The following TTC39B variants were observed in gnomAD, a reference collection of about 807,000 sequenced individuals.
The protein encoded by TTC39B is tetratricopeptide repeat domain 39B, also known as tetratricopeptide repeat protein 39B.
TTC39B carries 92 observed loss-of-function variants against 96.6 expected under a neutral mutation model. The ratio of observed to expected loss-of-function variants is 0.95; its 90% CI spans 0.80 to 1.13. The LOEUF (loss-of-function observed/expected upper bound fraction) is 1.13. TTC39B is among the 50% of genes most tolerant of loss of function. TTC39B has a pLI of 0.00. For missense variants in TTC39B, 955 were observed against 809.3 expected, an observed-to-expected ratio of 1.18 and a Z score of -2.18; for synonymous variants, 367 against 299.4, an observed-to-expected ratio of 1.23 and a Z score of -2.33.
chr9:15,203,837 G>C (rs961841579), exon 7 of TTC39B: 2 of 1,613,000 alleles, frequency 1.2e-6, no homozygotes, highest in Middle Eastern at 1.7e-4. Flanking sequence ...ACAAACGTGA[G>C]TGCAGCTTTC....
chr9:15,201,608 G>A (rs905124078), intron 7 of TTC39B, among the ~76,000 whole-genome samples: 1 of 152,196 alleles, frequency 6.6e-6, no homozygotes. Context: ...TAAGGATCAT[G>A]ATGGGTTTGG....
intron 2 of TTC39B, among the ~76,000 whole-genome samples, chr9:15,257,614 T>C (rs1479165915): frequency 6.6e-6 from 1 of 152,010 alleles, no homozygotes; most frequent in African/African-American, 2.4e-5. Flanking sequence ...ACCTGGCTAA[T>C]TTTTTGTATT....
At chr9:15,258,114 C>A (rs1822822077) in intron 2 of TTC39B, among the ~76,000 whole-genome samples, 1 of 151,946 alleles carries the variant, frequency 6.6e-6, no homozygotes, top group Non-Finnish European at 1.5e-5. Flanking sequence ...AAGTGGGGTG[C>A]AGTTGGAAAA....
chr9:15,175,158 A>C, intron 18 of TTC39B, 23 bp from the exon 19 acceptor site: 1 of 1,495,614 alleles, frequency 6.7e-7, no homozygotes, highest in Non-Finnish European at 9.3e-7. Flanking sequence ...AGGAAAATCA[A>C]GTAAATCTTA....
At chr9:15,203,695 A>G in intron 7 of TTC39B, 128 bp downstream of exon 7, 6 of 680,540 alleles carry the variant, frequency 8.8e-6, no homozygotes, top group Non-Finnish European at 1.4e-5. Context: ...TTATCAGAAT[A>G]ACAAATATTT....
intron 9 of TTC39B, 31 bp downstream of exon 9, chr9:15,192,559 A>G (rs1308959188): frequency 6.4e-7 from 1 of 1,556,212 alleles, no homozygotes; most frequent in Non-Finnish European, 8.8e-7. Context: ...CTTCTACAAA[A>G]GTTCTGGTTT....
chr9:15,188,491 T>C (rs918582755), intron 13 of TTC39B, among the ~76,000 whole-genome samples: 1 of 152,332 alleles, frequency 6.6e-6, no homozygotes, highest in East Asian at 1.9e-4. Flanking sequence ...GATGTCACTA[T>C]CTACGTAACT....
exon 20 of TTC39B, chr9:15,168,616 TC>T (rs1183980569): frequency 1.2e-4 from 18 of 152,152 alleles, no homozygotes; most frequent in African/African-American, 4.3e-4. Context: ...ATCGAGACCA[TC>T]CTGGCTAACA....
Position 15,283,916 on chromosome 9 carries a change from G to C in TTC39B, c.241-15968C>G, listed in dbSNP as rs567219568. 4.0e-5 allele frequency among the ~76,000 whole-genome samples: 6 copies of C among 151,886 alleles called. 1 individual carries two copies. Among genetic ancestry groups the C allele is most frequent in the Admixed American group, 3.9e-4 (6 of 15,246 alleles). On this transcript the variant is annotated intron_variant, in intron 1 of 19. Coordinates refer to ENST00000512701, the Ensembl canonical transcript of TTC39B. The stretch of plus-strand genomic sequence containing the variant: ...TTTTTTAAAATAATCTTAAAACAGG[G>C]ACAGTCTTTCTAAGCAAAACACAAA...
intron 4 of TTC39B, among the ~76,000 whole-genome samples, chr9:15,212,380 C>CAAA (rs200310557): frequency 0.075 from 7,901 of 105,408 alleles, 223 homozygotes; most frequent in Non-Finnish European, 0.091. Flanking sequence ...TTTCAAGAAG[C>CAAA]AAAAAAAAAA....
At chr9:15,303,037 A>ACGCAC (rs1824650702) in intron 1 of TTC39B, among the ~76,000 whole-genome samples, 1 of 150,964 alleles carries the variant, frequency 6.6e-6, no homozygotes, top group Non-Finnish European at 1.5e-5. Context: ...ACGTGGTGGC[A>ACGCAC]CGCACATGTA....
At chr9:15,215,774 G>C (rs184540437) in intron 3 of TTC39B, among the ~76,000 whole-genome samples, 1 of 151,932 alleles carries the variant, frequency 6.6e-6, no homozygotes, top group Non-Finnish European at 1.5e-5. Flanking sequence ...TGAGGCAGGA[G>C]AATTGCTTGA....
intron 2 of TTC39B, among the ~76,000 whole-genome samples, chr9:15,244,314 G>C (rs1822176495): frequency 6.6e-6 from 1 of 152,222 alleles, no homozygotes; most frequent in Non-Finnish European, 1.5e-5. Flanking sequence ...GCGTGATTTA[G>C]GAGAAGGCAT....
chr9:15,289,021 A>G (rs1306016908), intron 1 of TTC39B, among the ~76,000 whole-genome samples: 2 of 152,242 alleles, frequency 1.3e-5, no homozygotes, highest in African/African-American at 4.8e-5. Flanking sequence ...ACACGCTTTT[A>G]AAGTATAATT....
chr9:15,177,869 C>CAT, intron 17 of TTC39B, 55 bp from the exon 18 acceptor site: 1 of 466,284 alleles, frequency 2.1e-6, no homozygotes, highest in Non-Finnish European at 3.5e-6. Context: ...TTTTTAAGAT[C>CAT]TTTTTTTTTT....
At chr9:15,190,777 C>A in intron 10 of TTC39B, 115 bp from the exon 11 acceptor site, 2 of 830,382 alleles carry the variant, frequency 2.4e-6, no homozygotes, top group Admixed American at 2.2e-5. Context: ...TCATATATTA[C>A]GCTGTGGTGA....
intron 18 of TTC39B, among the ~76,000 whole-genome samples, chr9:15,175,479 G>A (rs557949194): frequency 1.6e-4 from 25 of 151,946 alleles, no homozygotes; most frequent in Admixed American, 9.2e-4. Flanking sequence ...TTAGAAATAA[G>A]AAAGTTGTAT....
At chr9:15,251,849 G>A (rs1347054080) in intron 2 of TTC39B, among the ~76,000 whole-genome samples, 1 of 151,190 alleles carries the variant, frequency 6.6e-6, no homozygotes, top group Non-Finnish European at 1.5e-5. Flanking sequence ...GTACCCTATA[G>A]TTAACCACTC....
At chr9:15,219,951 G>C (rs1280582418) in intron 3 of TTC39B, among the ~76,000 whole-genome samples, 1 of 152,154 alleles carries the variant, frequency 6.6e-6, no homozygotes, top group Non-Finnish European at 1.5e-5. Context: ...ACGCATCTAA[G>C]CTATAATACA....
Sources: allele counts gnomAD v4.1 joint callset (sites outside exome capture counted in the v4.1 genomes callset), GRCh38; gene constraint gnomAD v4.1.1; transcripts MANE v1.5; gene names NCBI Gene and HGNC (gene_info 2026-07-23, HGNC 2026-07-21).